GRID1: variants seen among roughly 807,000 people sequenced by gnomAD.
The protein encoded by GRID1 is glutamate receptor ionotropic, delta-1.
In GRID1, 28 loss-of-function variants were observed where a neutral mutation model predicts 98.0. The ratio of observed to expected loss-of-function variants is 0.29; its 90% CI spans 0.21 to 0.39. The LOEUF (loss-of-function observed/expected upper bound fraction) is 0.39. Among genes scored for constraint, GRID1 ranks in the 10% least tolerant of loss-of-function variants. GRID1 has a pLI of 1.00. For synonymous variants in GRID1, 553 were observed against 538.5 expected (o/e 1.03, Z -0.37); for missense variants, 1,111 against 1,340.5 (o/e 0.83, Z 2.67).
intron 8 of GRID1, among the ~76,000 whole-genome samples, chr10:85,797,568 T>C (rs1413131962): frequency 6.6e-6 from 1 of 152,072 alleles, no homozygotes; most frequent in Non-Finnish European, 1.5e-5. Flanking sequence ...CAGCTGGGAT[T>C]ACAGGCATAT....
At chr10:86,300,952 G>T (rs1847676978) in intron 2 of GRID1, among the ~76,000 whole-genome samples, 1 of 152,194 alleles carries the variant, frequency 6.6e-6, no homozygotes, top group South Asian at 2.1e-4. Context: ...TTTGGAAGCA[G>T]AAAGACTGGG....
At chr10:86,247,239 G>C (rs1049903941) in intron 2 of GRID1, among the ~76,000 whole-genome samples, 43 of 133,322 alleles carry the variant, frequency 3.2e-4, no homozygotes, top group African/African-American at 1.3e-3. Flanking sequence ...AAGGACAGAG[G>C]GATGGACAGA....
intron 4 of GRID1, among the ~76,000 whole-genome samples, chr10:85,946,938 T>C (rs544523360): frequency 2.0e-5 from 3 of 152,262 alleles, no homozygotes; most frequent in African/African-American, 7.2e-5. Context: ...TGCGGAAATG[T>C]GGATGACTTG....
rs188450814 is a variant in GRID1 at position 85,711,136 on chromosome 10, G to A, written c.1997+11867C>T. 3.4e-4 allele frequency among the ~76,000 whole-genome samples: 51 copies of A among 152,006 alleles called. No homozygotes were observed. In the East Asian group the frequency reaches 8.1e-3, roughly 24 times the overall value. Reference sequence around the variant, plus strand: ...AATTTTACTTCTGGGTATATACACCGAAGAATTAAAAGCAGGCATTGAACA... The same window carrying A: ...AATTTTACTTCTGGGTATATACACCAAAGAATTAAAAGCAGGCATTGAACA... On this transcript the variant is annotated intron_variant, in intron 12 of 15. Coordinates refer to ENST00000327946, the MANE Select transcript of GRID1 (RefSeq NM_017551.3).
chr10:85,758,419 G>T (rs1253358603), intron 8 of GRID1, among the ~76,000 whole-genome samples: 1 of 152,172 alleles, frequency 6.6e-6, no homozygotes, highest in Non-Finnish European at 1.5e-5. Context: ...TGGCAAGTTG[G>T]TGGGGCTGTG....
intron 4 of GRID1, among the ~76,000 whole-genome samples, chr10:86,094,497 A>G (rs1844192690): frequency 6.6e-6 from 1 of 152,238 alleles, no homozygotes; most frequent in Non-Finnish European, 1.5e-5. Context: ...AATTGAGCAA[A>G]GTTTCCAGAT....
At chr10:85,957,177 A>G (rs1161660525) in intron 4 of GRID1, among the ~76,000 whole-genome samples, 1 of 152,166 alleles carries the variant, frequency 6.6e-6, no homozygotes, top group African/African-American at 2.4e-5. Flanking sequence ...GGGGATTACA[A>G]TTCGGATTAC....
intron 4 of GRID1, among the ~76,000 whole-genome samples, chr10:86,062,110 G>T (rs1843657014): frequency 6.6e-6 from 1 of 152,154 alleles, no homozygotes; most frequent in Admixed American, 6.5e-5. Context: ...TGTGCAATGG[G>T]GATAGCAACA....
At chr10:85,896,950 C>T (rs1367817783) in intron 5 of GRID1, among the ~76,000 whole-genome samples, 1 of 152,062 alleles carries the variant, frequency 6.6e-6, no homozygotes, top group African/African-American at 2.4e-5. Context: ...TATGATTCCT[C>T]CAATGACAGA....
chr10:85,743,851 TC>T (rs1450036649), intron 8 of GRID1, among the ~76,000 whole-genome samples: 1 of 152,172 alleles, frequency 6.6e-6, no homozygotes, highest in Non-Finnish European at 1.5e-5. Context: ...ATTTGAATGA[TC>T]CTTTGGTTTC....
At chr10:86,119,226 T>C (rs921415976) in intron 4 of GRID1, among the ~76,000 whole-genome samples, 12 of 152,062 alleles carry the variant, frequency 7.9e-5, no homozygotes, top group African/African-American at 2.7e-4. Context: ...TTCCAGCTAC[T>C]TGGGAGGCTG....
intron 3 of GRID1, among the ~76,000 whole-genome samples, chr10:86,190,115 T>G (rs1483267189): frequency 1.3e-5 from 2 of 152,100 alleles, no homozygotes; most frequent in African/African-American, 4.8e-5. Flanking sequence ...CACCGTTACC[T>G]TGAATATCCT....
chr10:86,121,355 T>C (rs1002886772), intron 4 of GRID1, among the ~76,000 whole-genome samples: 26 of 149,104 alleles, frequency 1.7e-4, no homozygotes, highest in African/African-American at 2.7e-4. Flanking sequence ...ACCACCACCA[T>C]CATCACCACC....
intron 8 of GRID1, among the ~76,000 whole-genome samples, chr10:85,754,558 T>G (rs912336064): frequency 1.3e-5 from 2 of 152,062 alleles, no homozygotes; most frequent in African/African-American, 4.8e-5. Flanking sequence ...TGAATAGAAT[T>G]TCCCCAAACA....
chr10:86,228,963 T>C (rs67503317), intron 2 of GRID1, among the ~76,000 whole-genome samples: 43,232 of 152,034 alleles, frequency 0.28, 7,004 homozygotes, highest in Non-Finnish European at 0.38. Flanking sequence ...CTCCACTTGC[T>C]CAGAGGCACC....
At chr10:85,662,889 G>A (rs1840981815) in intron 12 of GRID1, among the ~76,000 whole-genome samples, 1 of 152,064 alleles carries the variant, frequency 6.6e-6, no homozygotes, top group Admixed American at 6.5e-5. Context: ...GGCCTCGAAG[G>A]ACTTGTCCCA....
intron 4 of GRID1, among the ~76,000 whole-genome samples, chr10:86,126,259 G>T (rs1645520186): frequency 6.6e-6 from 1 of 152,106 alleles, no homozygotes; most frequent in Non-Finnish European, 1.5e-5. Context: ...TTCAAGATCA[G>T]CCTGGCCAAG....
chr10:85,679,354 T>G (rs1564557180), intron 12 of GRID1, among the ~76,000 whole-genome samples: 1 of 152,174 alleles, frequency 6.6e-6, no homozygotes, highest in Non-Finnish European at 1.5e-5. Flanking sequence ...CTACAGTATA[T>G]CCAGTAGGAA....
intron 4 of GRID1, among the ~76,000 whole-genome samples, chr10:86,089,701 A>C (rs939866948): frequency 1.3e-5 from 2 of 152,174 alleles, no homozygotes; most frequent in Non-Finnish European, 2.9e-5. Flanking sequence ...AAAAAAGAAA[A>C]TCTCAGCAAG....
Sources: allele counts gnomAD v4.1 joint callset (sites outside exome capture counted in the v4.1 genomes callset), GRCh38; gene constraint gnomAD v4.1.1; transcripts MANE v1.5; gene names NCBI Gene and HGNC (gene_info 2026-07-23, HGNC 2026-07-21).